CNDP1: variants seen among roughly 807,000 people sequenced by gnomAD.
CNDP1 encodes the protein beta-Ala-His dipeptidase.
CNDP1 carries 44 observed loss-of-function variants against 58.1 expected under a neutral mutation model. The ratio of observed to expected loss-of-function variants is 0.76; its 90% confidence interval spans 0.60 to 0.97. The LOEUF is 0.97. Among genes scored for constraint, CNDP1 ranks in the 50% least tolerant of loss-of-function variants. The pLI, the probability that CNDP1 is intolerant of heterozygous loss-of-function variation, is 0.00. For synonymous variants in CNDP1, 254 were observed against 252.6 expected (o/e 1.01, Z -0.05); for missense variants, 616 against 655.1 (o/e 0.94, Z 0.65).
intron 1 of CNDP1, among the ~76,000 whole-genome samples, chr18:74,535,971 G>T (rs1008558490): frequency 6.6e-6 from 1 of 152,152 alleles, no homozygotes; most frequent in African/African-American, 2.4e-5. Flanking sequence ...GGTCGAGGCT[G>T]CAGTGAGCCA....
intron 1 of CNDP1, among the ~76,000 whole-genome samples, chr18:74,546,664 C>A (rs1014093023): frequency 6.6e-6 from 1 of 152,192 alleles, no homozygotes. Flanking sequence ...GCTCTCCCTG[C>A]AAACCACGGA....
chr18:74,580,242 A>G lies in CNDP1; in HGVS notation c.1280A>G (p.Tyr427Cys). 1 of 1,614,230 alleles carries G rather than the reference A, an allele frequency of 6.2e-7. No homozygotes were observed. The highest frequency in any genetic ancestry group is 1.3e-5 in the African/African-American group (1 of 75,066). ...PWIANIDDTQ[Y>C]LAAKRAIRTV... The stretch of plus-strand genomic sequence containing the variant: ...ATTGCAAATATTGATGACACCCAGT[A>G]TCTCGCAGCAAAAAGAGCGATCAGA... Residue 427 changes from tyrosine to cysteine, a missense_variant, in exon 10 of 12, where the codon TAT (tyrosine) becomes TGT (cysteine). Physicochemically the swap from Tyr to Cys is radical, Grantham distance 194. Transcript: ENST00000358821.
chr18:74,560,970 CG>C lies in CNDP1; in HGVS notation c.422del (p.Gly141AlafsTer11). ...CCACTTGGACGTGCAGCCTGCTGAC[CG>C]GGGCGATGGGTGGCTCACGGACCCC... ...YGHLDVQPAD[R>X]GDGWLTDPYV... On this transcript the variant is annotated frameshift_variant, in exon 4 of 12. Coordinates refer to ENST00000358821, the MANE Select transcript of CNDP1 (RefSeq NM_032649.6). LOFTEE classifies it high-confidence loss of function. The C allele has an allele frequency of 1.9e-6, 3 of 1,614,096 alleles. No homozygotes were observed. Among genetic ancestry groups the C allele is most frequent in the Non-Finnish European group, 2.5e-6 (3 of 1,180,018 alleles).
intron 7 of CNDP1, among the ~76,000 whole-genome samples, chr18:74,575,956 G>A (rs1205966113): frequency 1.4e-5 from 2 of 142,374 alleles, no homozygotes; most frequent in Non-Finnish European, 3.0e-5. Context: ...TGCAACCTCC[G>A]CCTCCTGGGT....
intron 7 of CNDP1, among the ~76,000 whole-genome samples, chr18:74,572,671 C>A (rs2144666491): frequency 6.6e-6 from 1 of 151,478 alleles, no homozygotes; most frequent in Non-Finnish European, 1.5e-5. Flanking sequence ...GCCTGTAGTC[C>A]CAGCTATTTA....
At chr18:74,572,806 A>AG (rs1295722399) in intron 7 of CNDP1, among the ~76,000 whole-genome samples, 2 of 141,724 alleles carry the variant, frequency 1.4e-5, no homozygotes, top group African/African-American at 5.6e-5. Context: ...AAAAAAAAAA[A>AG]AAAAAGAAAG....
chr18:74,557,113 TC>T (rs1183127515), intron 2 of CNDP1, among the ~76,000 whole-genome samples: 1 of 152,092 alleles, frequency 6.6e-6, no homozygotes, highest in Non-Finnish European at 1.5e-5. Context: ...AGACGGGATT[TC>T]CCCATGATGG....
rs978237042 is a variant in CNDP1 at position 74,545,033 on chromosome 18, C to T, written c.24+10342C>T. 1.3e-5 allele frequency among the ~76,000 whole-genome samples: 2 copies of T among 152,118 alleles called. No individual in the cohort carries two copies. The highest frequency in any genetic ancestry group is 4.8e-5 in the African/African-American group (2 of 41,430). Reference sequence around the variant, plus strand: ...TCACAGCAAAGGACTGCTGCCAACACCAGAAGCTGGAGGGGCAGGAAGGAC... The same window carrying T: ...TCACAGCAAAGGACTGCTGCCAACATCAGAAGCTGGAGGGGCAGGAAGGAC... On this transcript the variant is annotated intron_variant, in intron 1 of 11. Transcript: ENST00000358821. This position sits in a 1 kb window ranked among gnomAD's most constrained non-coding sequence, Gnocchi z 4.1.
At chr18:74,536,004 C>G (rs1032068935) in intron 1 of CNDP1, among the ~76,000 whole-genome samples, 2 of 152,066 alleles carry the variant, frequency 1.3e-5, no homozygotes, top group African/African-American at 4.8e-5. Context: ...TGCACTCCAG[C>G]CTGGGAGGCA....
intron 1 of CNDP1, among the ~76,000 whole-genome samples, chr18:74,547,168 G>A (rs1980782167): frequency 6.6e-6 from 1 of 152,196 alleles, no homozygotes; most frequent in Non-Finnish European, 1.5e-5. Context: ...ATCCTGTGAT[G>A]GTGAGATAAG....
intron 1 of CNDP1, among the ~76,000 whole-genome samples, chr18:74,555,041 A>C (rs1348493189): frequency 2.0e-5 from 3 of 152,098 alleles, no homozygotes; most frequent in African/African-American, 7.2e-5. Context: ...CTGAGACTTC[A>C]CCAGCCTAGT....
chr18:74,542,624 C>G (rs1024601619), intron 1 of CNDP1, among the ~76,000 whole-genome samples: 1 of 152,192 alleles, frequency 6.6e-6, no homozygotes, highest in African/African-American at 2.4e-5. Flanking sequence ...AGATCTCACT[C>G]TGTGATCCTC....
Position 74,572,808 on chromosome 18 carries a change from AAAAG to A in CNDP1, c.841+1558_841+1561del, listed in dbSNP as rs766981720. On this transcript the variant is annotated intron_variant, in intron 7 of 11. Transcript: ENST00000358821. ...CCTGTATCAAAAAAAAAAAAAAAAA[AAAAG>A]AAAGAAAGAAAGAAAGAAAAATAAT... is the stretch of plus-strand genomic sequence containing the variant. Among the ~76,000 whole-genome samples the A allele has an allele frequency of 2.7e-3, 372 of 135,346 alleles. 6 individuals carry two copies. Among genetic ancestry groups the A allele is most frequent in the Middle Eastern group, 4.0e-3 (1 of 248 alleles). The allele number at this position is 135,346 out of a possible 152,430, so 88.8% of individuals were successfully genotyped here.
chr18:74,565,741 C>T lies in CNDP1; in HGVS notation c.556-1492C>T, dbSNP rs571682195. On this transcript the variant is annotated intron_variant, in intron 5 of 11. Transcript: ENST00000358821. ...TTCATGGGCTGGCATTGAGTGTCTG[C>T]GGTTTTTCCAGGTGCACGGTTCAAG... Among the ~76,000 whole-genome samples, 53 of 152,268 alleles carry T rather than the reference C, an allele frequency of 3.5e-4. 1 individual carries two copies. Among genetic ancestry groups the T allele is most frequent in the Admixed American group, 1.1e-3 (17 of 15,300 alleles).
At chr18:74,551,384 ACACAC>A (rs1337452827) in intron 1 of CNDP1, among the ~76,000 whole-genome samples, 2 of 151,074 alleles carry the variant, frequency 1.3e-5, no homozygotes, top group African/African-American at 4.9e-5. Flanking sequence ...ACACACACAC[ACACAC>A]ACACAAACAA....
chr18:74,583,929 G>T, intron 11 of CNDP1: 1 of 533,510 alleles, frequency 1.9e-6, no homozygotes, highest in Non-Finnish European at 3.3e-6. Flanking sequence ...TGTCTTCCTG[G>T]CCGTCCCTGC....
intron 5 of CNDP1, among the ~76,000 whole-genome samples, chr18:74,564,317 T>C (rs1981274384): frequency 6.6e-6 from 1 of 152,122 alleles, no homozygotes; most frequent in African/African-American, 2.4e-5. Flanking sequence ...AAGTTATAAA[T>C]TATAAAGATA....
At position 74,571,303 on chromosome 18, in the gene CNDP1, T is replaced by A. The variant is rs746850422; in HGVS notation, c.841+33T>A. On this transcript the variant is annotated intron_variant, in intron 7 of 11. Coordinates refer to ENST00000358821, the MANE Select transcript of CNDP1 (RefSeq NM_032649.6). ...CTTATTTTGTTTCACTTTTTAAGCA[T>A]CAGGGATCAACTAAAAGACAGCTCT... 26 of 1,437,510 alleles carry A rather than the reference T, an allele frequency of 1.8e-5. No individual in the cohort carries two copies. The Admixed American group carries it at 4.4e-4, about 24-fold the overall frequency. 89.0% of individuals were successfully genotyped at this position (1,437,510 alleles called of 1,614,324 possible).
chr18:74,576,903 C>T lies in CNDP1; in HGVS notation c.876C>T (p.Val292=). ...TAGACTCGTCTGGTCATATCCTGGT[C>T]CCTGGAATCTATGATGAAGTGGTTC... ...SLVDSSGHIL[V]PGIYDEVVPL... The change falls in exon 8 of 12, where the codon GTC becomes GTT. Residue 292 remains valine, a synonymous_variant. Transcript: ENST00000358821. 6.2e-7 allele frequency: 1 copy of T among 1,613,032 alleles called. No individual in the cohort carries two copies. The highest frequency in any genetic ancestry group is 8.5e-7 in the Non-Finnish European group (1 of 1,179,572).
Sources: allele counts gnomAD v4.1 joint callset (sites outside exome capture counted in the v4.1 genomes callset), GRCh38; gene constraint gnomAD v4.1.1; non-coding constraint Gnocchi (gnomAD v3.1); transcripts MANE v1.5; gene names NCBI Gene and HGNC (gene_info 2026-07-23, HGNC 2026-07-21).